Variants in NRG1 observed in about 807,000 individuals in gnomAD.
The protein encoded by NRG1 is neuregulin 1.
In NRG1, 18 loss-of-function variants were observed where a neutral mutation model predicts 63.8. That is an observed-to-expected ratio of 0.28 (90% confidence interval 0.19 to 0.42). The LOEUF is 0.42. Ranked by LOEUF, NRG1 falls within the 10% of genes least tolerant of loss-of-function variation. The pLI is 1.00. For missense variants in NRG1, 762 were observed against 814.7 expected (o/e 0.94, Z 0.79); for synonymous variants, 302 against 301.3 (o/e 1.00, Z -0.02).
At chr8:32,484,391 G>A (rs1825676810) in intron 1 of NRG1, among the ~76,000 whole-genome samples, 4 of 151,672 alleles carry the variant, frequency 2.6e-5, no homozygotes, top group South Asian at 2.1e-4. Flanking sequence ...ATGAGAGAAG[G>A]GAGTCAACTT....
chr8:31,816,188 T>G (rs556409586), intron 1 of NRG1, among the ~76,000 whole-genome samples: 1 of 152,322 alleles, frequency 6.6e-6, no homozygotes, highest in Non-Finnish European at 1.5e-5. Context: ...TCTCTGTCAT[T>G]ATATAACCCC....
chr8:32,598,083 G>A (rs1011084758), intron 2 of NRG1, among the ~76,000 whole-genome samples: 4 of 152,130 alleles, frequency 2.6e-5, no homozygotes, highest in African/African-American at 9.7e-5. Flanking sequence ...GCCCATGAAA[G>A]GTTTTATGCT....
chr8:32,596,975 T>G (rs1404210989), intron 2 of NRG1, among the ~76,000 whole-genome samples: 1 of 152,152 alleles, frequency 6.6e-6, no homozygotes, highest in Non-Finnish European at 1.5e-5. Flanking sequence ...GTATCTACTC[T>G]AAAATGATAC....
At chr8:32,588,457 A>C (rs576051546) in intron 1 of NRG1, among the ~76,000 whole-genome samples, 41 of 152,344 alleles carry the variant, frequency 2.7e-4, no homozygotes, top group African/African-American at 9.4e-4. Flanking sequence ...AAAGGAAACC[A>C]ATATGTTTGG....
intron 1 of NRG1, among the ~76,000 whole-genome samples, chr8:32,034,818 T>A (rs1415451386): frequency 1.3e-5 from 2 of 152,284 alleles, no homozygotes; most frequent in Admixed American, 6.5e-5. Flanking sequence ...TTTCATTGTG[T>A]CTATTTGATT....
chr8:32,365,436 C>T, intron 1 of NRG1, among the ~76,000 whole-genome samples: 1 of 151,124 alleles, frequency 6.6e-6, no homozygotes, highest in Non-Finnish European at 1.5e-5. Flanking sequence ...CACATATGGC[C>T]TCTCTCACTT....
rs193014552 is a variant in NRG1, at chr8:31,961,474, T to A, written c.37+322043T>A. 7.4e-3 allele frequency among the ~76,000 whole-genome samples: 1,124 copies of A among 152,284 alleles called. 9 individuals carry two copies. Among genetic ancestry groups the A allele is most frequent in the Middle Eastern group, 0.014 (4 of 294 alleles). ...GAATTCCATTGTTGTCTCCTCCATTTAAAAAAATTCTACCTGAAATACTTG... is the reference window on the plus strand; with the variant it reads ...GAATTCCATTGTTGTCTCCTCCATTAAAAAAAATTCTACCTGAAATACTTG... On this transcript the variant is annotated intron_variant, in intron 1 of 10. Coordinates refer to the NRG1 transcript ENST00000519301.
upstream of NRG1, among the ~76,000 whole-genome samples, chr8:32,546,783 T>C (rs1833114396): frequency 6.6e-6 from 1 of 152,198 alleles, no homozygotes. Context: ...CAGAGTTTCG[T>C]TCTTATGACA....
At chr8:32,553,815 C>T (rs1024939121) in intron 1 of NRG1, among the ~76,000 whole-genome samples, 1 of 152,092 alleles carries the variant, frequency 6.6e-6, no homozygotes, top group Non-Finnish European at 1.5e-5. Flanking sequence ...GCAGGTGTTT[C>T]TAAATATAAA....
At chr8:32,183,271 T>C (rs553683419) in intron 1 of NRG1, among the ~76,000 whole-genome samples, 87 of 152,286 alleles carry the variant, frequency 5.7e-4, no homozygotes, top group African/African-American at 2.0e-3. Flanking sequence ...AAGGCCAAGA[T>C]TTCTAACCTT....
Position 32,070,932 on chromosome 8 carries a change from C to T in NRG1, c.37+431501C>T, listed in dbSNP as rs148110872. 1.3e-4 allele frequency among the ~76,000 whole-genome samples: 20 copies of T among 152,272 alleles called. No homozygotes were observed. In the East Asian group the frequency reaches 3.3e-3, roughly 25 times the overall value. On this transcript the variant is annotated intron_variant, in intron 1 of 10. Coordinates refer to the NRG1 transcript ENST00000519301. ...CTAACCTCTACACCCTGCGTCCTCC[C>T]ACCTCACCTCAGCTTCACCGTGTTC...
At position 32,616,874 on chromosome 8, in the gene NRG1, A is replaced by C. The variant is rs114943434; in HGVS notation, c.491A>C (p.Asn164Thr). The C allele has an allele frequency of 7.5e-6, 12 of 1,593,664 alleles. No individual in the cohort carries two copies. In the East Asian group the frequency reaches 2.5e-4, roughly 33 times the overall value. ...ATATCAGTATCCACAGAAGGAGCAA[A>C]TACTTCTTCATGTAAGTATACTTAA... is the stretch of plus-strand genomic sequence containing the variant. The change falls in exon 5 of 12, where the codon AAT (asparagine) becomes ACT (threonine). Residue 164 changes from asparagine (N) to threonine (T), a missense_variant. Asn to Thr is a moderately conservative substitution (Grantham distance 65). Around this residue, in one of 3 missense-constraint regions of NRG1, gnomAD observed 122 missense variants for 190.1 expected, o/e 0.64. Coordinates refer to ENST00000356819, the Ensembl canonical transcript of NRG1.
chr8:32,585,300 A>G (rs990565452), intron 1 of NRG1, among the ~76,000 whole-genome samples: 1 of 152,114 alleles, frequency 6.6e-6, no homozygotes, highest in African/African-American at 2.4e-5. Flanking sequence ...ACTGTACTGG[A>G]TCCATTTTAA....
At chr8:32,239,871 T>C (rs1847932606) in intron 1 of NRG1, among the ~76,000 whole-genome samples, 1 of 152,166 alleles carries the variant, frequency 6.6e-6, no homozygotes, top group African/African-American at 2.4e-5. Context: ...ACTATCTACC[T>C]ATCAGGATGG....
At chr8:32,083,076 AGT>A (rs1827712200) in intron 1 of NRG1, among the ~76,000 whole-genome samples, 1 of 152,194 alleles carries the variant, frequency 6.6e-6, no homozygotes. Context: ...ATGTGGGCGC[AGT>A]CATGAGTATG....
chr8:32,160,847 T>A (rs1395114198), intron 1 of NRG1, among the ~76,000 whole-genome samples: 2 of 152,206 alleles, frequency 1.3e-5, no homozygotes, highest in Non-Finnish European at 2.9e-5. Flanking sequence ...TAAAGAGAGA[T>A]GAATCCTTAT....
At chr8:32,596,431 C>G (rs564340102) in intron 2 of NRG1, among the ~76,000 whole-genome samples, 2 of 152,068 alleles carry the variant, frequency 1.3e-5, no homozygotes, top group East Asian at 3.9e-4. Flanking sequence ...TGGTGAAACC[C>G]TGTCTCTACT....
chr8:32,339,074 T>C (rs1348415323), intron 1 of NRG1, among the ~76,000 whole-genome samples: 1 of 152,054 alleles, frequency 6.6e-6, no homozygotes, highest in African/African-American at 2.4e-5. Context: ...CCCTACAAAA[T>C]TGTCACTTTT....
At chr8:31,836,511 CTG>C (rs1825701397) in intron 1 of NRG1, among the ~76,000 whole-genome samples, 1 of 152,054 alleles carries the variant, frequency 6.6e-6, no homozygotes, top group African/African-American at 2.4e-5. Context: ...GTATTTAAAA[CTG>C]TGTATTGTTC....
Sources: gnomAD v4.1 joint callset for allele counts (sites outside exome capture counted in the v4.1 genomes callset) on GRCh38, gnomAD v4.1.1 for gene constraint, gnomAD v4.1.1 regional missense constraint, MANE v1.5 for transcripts, NCBI Gene and HGNC (gene_info 2026-07-23, HGNC 2026-07-21) for gene names.